The following TRANK1 variants were observed in gnomAD, a reference collection of about 807,000 sequenced individuals.
The protein encoded by TRANK1 is TPR and ankyrin repeat-containing protein 1.
Under a neutral mutation model 266.0 loss-of-function variants are expected in TRANK1, and 198 were observed. That is an observed-to-expected ratio of 0.74 (90% CI 0.66 to 0.84). TRANK1 has a LOEUF of 0.84. Ranked by LOEUF, TRANK1 falls within the 40% of genes least tolerant of loss-of-function variation. The pLI is 0.00. For missense variants in TRANK1, 3,326 were observed against 3,634.6 expected, an observed-to-expected ratio of 0.92 and a Z score of 2.18; for synonymous variants, 1,396 against 1,384.1, an observed-to-expected ratio of 1.01 and a Z score of -0.19.
intron 2 of TRANK1, 124 bp downstream of exon 2, chr3:36,908,199 A>C: frequency 9.1e-7 from 1 of 1,098,822 alleles, no homozygotes. Context: ...AGAGAAGATA[A>C]ATAGGAAGTG....
chr3:36,882,435 A>T (rs562670289), intron 8 of TRANK1, among the ~76,000 whole-genome samples: 12 of 152,352 alleles, frequency 7.9e-5, no homozygotes, highest in African/African-American at 2.6e-4. Context: ...CTTTTAAATA[A>T]ATAGTGCAGA....
At chr3:36,910,597 A>C (rs1435418375) in intron 1 of TRANK1, among the ~76,000 whole-genome samples, 1 of 151,690 alleles carries the variant, frequency 6.6e-6, no homozygotes, top group Non-Finnish European at 1.5e-5. Flanking sequence ...AAAATCAGAC[A>C]GGTGCGGTGG....
chr3:36,932,090 T>C (rs2080367693), intron 1 of TRANK1, among the ~76,000 whole-genome samples: 1 of 152,182 alleles, frequency 6.6e-6, no homozygotes, highest in Admixed American at 6.5e-5. Flanking sequence ...ATCTTCACAT[T>C]TGAGGTCATT....
intron 2 of TRANK1, among the ~76,000 whole-genome samples, chr3:36,906,296 G>A (rs2079966802): frequency 1.3e-5 from 2 of 152,148 alleles, no homozygotes; most frequent in Admixed American, 1.3e-4. Flanking sequence ...CCATTTCCTA[G>A]CACAAGTTTA....
chr3:36,892,499 A>T (rs2079715153), intron 6 of TRANK1, among the ~76,000 whole-genome samples, 159 bp from the exon 7 acceptor site: 1 of 152,190 alleles, frequency 6.6e-6, no homozygotes, highest in Non-Finnish European at 1.5e-5. Context: ...AAGGCAGCTG[A>T]AGGAGAAAGT....
In TRANK1 at chr3:36,944,052, C is replaced by T. The variant is rs755809017; in HGVS notation, c.23+735G>A. Among the ~76,000 whole-genome samples the T allele has an allele frequency of 1.1e-4, 16 of 152,220 alleles. No individual in the cohort carries two copies. The East Asian group carries it at 1.2e-3, about 11-fold the overall frequency. ...GGTTGCAAGTGCACAGGGCTCCCCG[C>T]GGGACGGAGACAGGGAGTTGGGAGG... On this transcript the variant is annotated intron_variant, in intron 1 of 23. Coordinates refer to ENST00000645898, the MANE Select transcript of TRANK1 (RefSeq NM_001329998.2).
chr3:36,880,540 T>C (rs1038000344), intron 8 of TRANK1: 1 of 185,734 alleles, frequency 5.4e-6, no homozygotes, highest in South Asian at 1.1e-4. Flanking sequence ...TAACCAAGCA[T>C]TGTATCATGA....
chr3:36,881,443 C>T (rs894077005), intron 8 of TRANK1, among the ~76,000 whole-genome samples: 2 of 149,932 alleles, frequency 1.3e-5, no homozygotes, highest in Admixed American at 6.6e-5. Context: ...AGCAAGACTC[C>T]GTCTCAAAAA....
rs545244514 is a variant in TRANK1, at chr3:36,835,047, T to C, written c.5518-140A>G. 166 of 923,276 alleles carry C rather than the reference T, an allele frequency of 1.8e-4. No homozygotes were observed. In the Middle Eastern group the frequency reaches 2.8e-3, roughly 16 times the overall value. The allele number at this position is 923,276 out of a possible 1,614,324, so 57.2% of individuals were successfully genotyped here. ...CCAGTTAAAAACCCTAGGCCGGGCGTGGTGGCTCACGCCTGTAATCCCAGC... is the reference window on the plus strand; with the variant it reads ...CCAGTTAAAAACCCTAGGCCGGGCGCGGTGGCTCACGCCTGTAATCCCAGC... On this transcript the variant is annotated intron_variant, in intron 20 of 23. Transcript: ENST00000645898.
intron 9 of TRANK1, among the ~76,000 whole-genome samples, chr3:36,870,998 T>C (rs990359452): frequency 1.1e-4 from 15 of 134,954 alleles, no homozygotes; most frequent in African/African-American, 3.9e-4. Context: ...CCTAAAACCT[T>C]AAAAACTAAA....
chr3:36,890,267 AG>A (rs2079669448), intron 7 of TRANK1, among the ~76,000 whole-genome samples: 1 of 152,210 alleles, frequency 6.6e-6, no homozygotes, highest in Non-Finnish European at 1.5e-5. Flanking sequence ...AGCAAGAGAT[AG>A]CATGAGAGAG....
chr3:36,897,827 G>A (rs1031307424), intron 4 of TRANK1, among the ~76,000 whole-genome samples: 4 of 152,304 alleles, frequency 2.6e-5, no homozygotes, highest in African/African-American at 9.6e-5. Context: ...GTATTGGCAG[G>A]ACTTTAGACT....
rs2078990093 is a variant in TRANK1 at position 36,851,951 on chromosome 3, A to T, written c.4750-95T>A. 1.4e-5 allele frequency: 21 copies of T among 1,459,538 alleles called. 1 individual carries two copies. In the South Asian group the frequency reaches 3.0e-4, roughly 21 times the overall value. The allele number at this position is 1,459,538 out of a possible 1,614,324, so 90.4% of individuals were successfully genotyped here. A position where few individuals can be genotyped will look rare whatever the true frequency, so the allele number is the denominator to read the frequency against. On this transcript the variant is annotated intron_variant, in intron 14 of 23. Coordinates refer to ENST00000645898, the MANE Select transcript of TRANK1 (RefSeq NM_001329998.2). ...GAGATAGGTAATGTTTTTAAAGAGA[A>T]ATGGCCAGCATAAACATGGTCAGGC...
At chr3:36,921,309 C>T (rs973340903) in intron 1 of TRANK1, among the ~76,000 whole-genome samples, 1 of 152,258 alleles carries the variant, frequency 6.6e-6, no homozygotes, top group Admixed American at 6.5e-5. Context: ...CCCTTCCCCT[C>T]CCCTGTCCAG....
In TRANK1 at chr3:36,834,005, A is replaced by C. The variant is rs1575177909; in HGVS notation, c.5664-86T>G. The C allele has an allele frequency of 2.3e-6, 3 of 1,326,480 alleles. No individual in the cohort carries two copies. The African/African-American group carries it at 4.4e-5, about 20-fold the overall frequency. The allele number at this position is 1,326,480 out of a possible 1,614,324, so 82.2% of individuals were successfully genotyped here. A position where few individuals can be genotyped will look rare whatever the true frequency, so the allele number is the denominator to read the frequency against. ...CCAAAATACAGTGCAGAGCAACTTA[A>C]ATAAAACTCCCACATGTAGATATTA... On this transcript the variant is annotated intron_variant, in intron 21 of 23. Transcript: ENST00000645898.
At chr3:36,907,542 G>A (rs2079989295) in intron 2 of TRANK1, among the ~76,000 whole-genome samples, 2 of 142,300 alleles carry the variant, frequency 1.4e-5, no homozygotes, top group African/African-American at 5.3e-5. Flanking sequence ...TCGGCTCACT[G>A]CAAGCTCCAC....
At chr3:36,918,246 T>C (rs2080153504) in intron 1 of TRANK1, among the ~76,000 whole-genome samples, 1 of 151,900 alleles carries the variant, frequency 6.6e-6, no homozygotes, top group Non-Finnish European at 1.5e-5. Flanking sequence ...TACCAGGTAC[T>C]ATAAGGAAGG....
rs749286946 is a variant in TRANK1, at chr3:36,858,781, T to C, written c.1609A>G (p.Ile537Val). 37 of 1,537,010 alleles carry C rather than the reference T, an allele frequency of 2.4e-5. No individual in the cohort carries two copies. The South Asian group carries it at 2.5e-4, about 10-fold the overall frequency. Residue 537 changes from isoleucine (I) to valine (V), a missense_variant, in exon 12 of 24, where the codon ATT becomes GTT. Physicochemically the swap from Ile to Val is conservative, Grantham distance 29 (BLOSUM62 3). Transcript: ENST00000645898. ...GGAGTATCACCTTCCGTGAGAGAAA[T>C]AGCACGGGGGTCTGCGCCCTTGGTC... ...LLTKGADPRA[I>V]SLTEGDTPLH...
chr3:36,839,808 C>G (rs568788461), intron 18 of TRANK1, among the ~76,000 whole-genome samples: 1 of 152,216 alleles, frequency 6.6e-6, no homozygotes, highest in African/African-American at 2.4e-5. Context: ...AATGCTTGGC[C>G]CATAGCTGCT....
Sources: gnomAD v4.1 joint callset for allele counts (sites outside exome capture counted in the v4.1 genomes callset) on GRCh38, gnomAD v4.1.1 for gene constraint, MANE v1.5 for transcripts, NCBI Gene and HGNC (gene_info 2026-07-23, HGNC 2026-07-21) for gene names.